The following IFT57 variants were observed in gnomAD, a reference collection of about 807,000 sequenced individuals.
IFT57 encodes intraflagellar transport 57.
IFT57 carries 59 observed loss-of-function variants against 56.8 expected under a neutral mutation model. The observed-to-expected ratio is 1.04, with a 90% CI of 0.84 to 1.29. The LOEUF (loss-of-function observed/expected upper bound fraction) is 1.29, where lower values mean the gene tolerates loss of function less well. Ranked by LOEUF, IFT57 falls within the 50% of genes most tolerant of loss-of-function variation. The pLI, the probability that IFT57 is intolerant of heterozygous loss-of-function variation, is 0.00. For missense variants in IFT57, 470 were observed against 522.1 expected, an observed-to-expected ratio of 0.90 and a Z score of 0.97; for synonymous variants, 209 against 186.1, an observed-to-expected ratio of 1.12 and a Z score of -1.00.
intron 5 of IFT57, among the ~76,000 whole-genome samples, chr3:108,197,665 G>C (rs1330637728): frequency 1.3e-5 from 2 of 152,148 alleles, no homozygotes; most frequent in Non-Finnish European, 2.9e-5. Context: ...CCTACTGAGA[G>C]GGTGTTAAAA....
At chr3:108,207,916 G>A (rs886509088) in intron 4 of IFT57, among the ~76,000 whole-genome samples, 5 of 152,086 alleles carry the variant, frequency 3.3e-5, no homozygotes, top group African/African-American at 4.8e-5. Context: ...GGTGGCGGGC[G>A]CCTGTAGTCC....
intron 5 of IFT57, among the ~76,000 whole-genome samples, chr3:108,204,313 AGTTAT>A (rs72148219): frequency 0.091 from 13,909 of 152,224 alleles, 699 homozygotes; most frequent in Middle Eastern, 0.12. Context: ...GCTCTAAAGG[AGTTAT>A]GTTATATAAT....
chr3:108,184,670 T>C lies in IFT57; in HGVS notation c.777+6851A>G, dbSNP rs187944147. 3.9e-5 allele frequency among the ~76,000 whole-genome samples: 6 copies of C among 152,312 alleles called. No homozygotes were observed. In the East Asian group the frequency reaches 1.2e-3, roughly 29 times the overall value. On this transcript the variant is annotated intron_variant, in intron 6 of 10. Transcript: ENST00000264538. ...GTATAAAATTAACTGTAGTACAATC[T>C]GTACTACTATAATAATTTTGTAGCC...
chr3:108,167,096 C>A, intron 7 of IFT57, 111 bp from the exon 8 acceptor site: 2 of 884,424 alleles, frequency 2.3e-6, no homozygotes, highest in Non-Finnish European at 3.3e-6. Flanking sequence ...ACTACATGTG[C>A]AAAAGAAGAC....
Position 108,186,454 on chromosome 3 carries a change from CCAAA to C in IFT57, c.777+5063_777+5066del, listed in dbSNP as rs1420963331. On this transcript the variant is annotated intron_variant, in intron 6 of 10. Transcript: ENST00000264538. ...TGGAGATAAGTGCTTCCAAACCATG[CCAAA>C]CAATGAGGAGGAAGACGAAGAAGAA... is the stretch of plus-strand genomic sequence containing the variant. Among the ~76,000 whole-genome samples the C allele has an allele frequency of 4.0e-5, 6 of 151,892 alleles. No homozygotes were observed. The East Asian group carries it at 9.7e-4, about 24-fold the overall frequency.
chr3:108,222,071 G>T (rs41267015), intron 1 of IFT57, 40 bp downstream of exon 1: 4 of 1,558,666 alleles, frequency 2.6e-6, no homozygotes, highest in East Asian at 2.4e-5. Flanking sequence ...CTCCCTGGGG[G>T]CTAGCAGGCA....
chr3:108,171,912 T>G (rs895341165), intron 6 of IFT57, among the ~76,000 whole-genome samples: 3 of 151,722 alleles, frequency 2.0e-5, no homozygotes, highest in Non-Finnish European at 4.4e-5. Flanking sequence ...TCTGTTTCTC[T>G]TTGCCTGTTT....
chr3:108,213,241 G>T (rs1005888173), intron 4 of IFT57, among the ~76,000 whole-genome samples: 2 of 152,050 alleles, frequency 1.3e-5, no homozygotes, highest in Non-Finnish European at 2.9e-5. Flanking sequence ...AACTGTGTGG[G>T]GGCCGATGCC....
chr3:108,184,732 T>A (rs948398067), intron 6 of IFT57, among the ~76,000 whole-genome samples: 2 of 152,166 alleles, frequency 1.3e-5, no homozygotes, highest in African/African-American at 4.8e-5. Flanking sequence ...GTGTTGCAAA[T>A]ATTGCTTAAA....
rs140032521 is a variant in IFT57, at chr3:108,175,558, G to A, written c.778-7694C>T. Reference sequence around the variant, plus strand: ...ATGAGATGTAGTTGCAGCTGTTAAGGTGACTCGCAAGACTATAAGGATCTC... The same window carrying A: ...ATGAGATGTAGTTGCAGCTGTTAAGATGACTCGCAAGACTATAAGGATCTC... On this transcript the variant is annotated intron_variant, in intron 6 of 10. Coordinates refer to ENST00000264538, the MANE Select transcript of IFT57 (RefSeq NM_018010.4). Among the ~76,000 whole-genome samples the A allele has an allele frequency of 4.3e-3, 658 of 151,854 alleles. 12 individuals are homozygous for A. Among genetic ancestry groups the A allele is most frequent in the African/African-American group, 0.015 (631 of 41,476 alleles).
intron 5 of IFT57, among the ~76,000 whole-genome samples, chr3:108,199,098 A>G (rs568633950): frequency 1.3e-5 from 2 of 152,338 alleles, no homozygotes; most frequent in African/African-American, 4.8e-5. Context: ...CTAATTATGA[A>G]TAAAGGGGTA....
At chr3:108,186,817 G>A (rs533100231) in intron 6 of IFT57, among the ~76,000 whole-genome samples, 1 of 152,064 alleles carries the variant, frequency 6.6e-6, no homozygotes, top group South Asian at 2.1e-4. Context: ...TTAATGGGAA[G>A]ACAATGGAGA....
At chr3:108,188,242 G>C (rs1294893554) in intron 6 of IFT57, among the ~76,000 whole-genome samples, 4 of 152,124 alleles carry the variant, frequency 2.6e-5, no homozygotes, top group African/African-American at 7.2e-5. Flanking sequence ...TGTGAGAAGA[G>C]AGCTCATATG....
intron 3 of IFT57, among the ~76,000 whole-genome samples, chr3:108,218,003 A>AAATGT (rs2080382494): frequency 6.7e-6 from 1 of 149,944 alleles, no homozygotes; most frequent in Non-Finnish European, 1.5e-5. Flanking sequence ...ACCATAGGAT[A>AAATGT]AATATAATAT....
chr3:108,179,230 G>GT (rs1349637525), intron 6 of IFT57, among the ~76,000 whole-genome samples: 3 of 151,938 alleles, frequency 2.0e-5, no homozygotes, highest in African/African-American at 4.8e-5. Context: ...TGGTAGAAAG[G>GT]TAGGGCCAAG....
chr3:108,168,369 T>C (rs1329875766), intron 6 of IFT57, among the ~76,000 whole-genome samples: 1 of 152,050 alleles, frequency 6.6e-6, no homozygotes, highest in Non-Finnish European at 1.5e-5. Flanking sequence ...TAAAATATCA[T>C]CTATTACTAC....
At chr3:108,210,319 T>G (rs968526939) in intron 4 of IFT57, among the ~76,000 whole-genome samples, 4 of 146,894 alleles carry the variant, frequency 2.7e-5, no homozygotes, top group African/African-American at 1.0e-4. Flanking sequence ...GAACTTTGAC[T>G]GTCAGAAATA....
intron 3 of IFT57, 45 bp from the exon 4 acceptor site, chr3:108,214,066 G>C (rs2080357884): frequency 8.5e-7 from 1 of 1,180,900 alleles, no homozygotes; most frequent in Non-Finnish European, 1.2e-6. Context: ...TTAATATTTA[G>C]TAAGACAAAA....
chr3:108,188,155 T>C (rs2080195178), intron 6 of IFT57, among the ~76,000 whole-genome samples: 1 of 152,020 alleles, frequency 6.6e-6, no homozygotes, highest in Non-Finnish European at 1.5e-5. Flanking sequence ...TCTATTTGAT[T>C]TTGATAGAGT....
Sources: gnomAD v4.1 joint callset for allele counts (sites outside exome capture counted in the v4.1 genomes callset) on GRCh38, gnomAD v4.1.1 for gene constraint, MANE v1.5 for transcripts, NCBI Gene and HGNC (gene_info 2026-07-23, HGNC 2026-07-21) for gene names.